KPNA3: variants seen among roughly 807,000 people sequenced by gnomAD.
The protein encoded by KPNA3 is karyopherin subunit alpha 3.
Under a neutral mutation model 73.8 loss-of-function variants are expected in KPNA3, and 13 were observed. That is an observed-to-expected ratio of 0.18 (90% CI 0.11 to 0.28). The LOEUF is 0.28. Among genes scored for constraint, KPNA3 ranks in the 10% least tolerant of loss-of-function variants. The pLI is 1.00. For synonymous variants in KPNA3, 186 were observed against 206.9 expected, an observed-to-expected ratio of 0.90 and a Z score of 0.87; for missense variants, 360 against 618.1, an observed-to-expected ratio of 0.58 and a Z score of 4.43.
intron 2 of KPNA3, among the ~76,000 whole-genome samples, chr13:49,737,526 CTGTTTTGT>C (rs1566345196): frequency 6.6e-6 from 1 of 150,764 alleles, no homozygotes; most frequent in Non-Finnish European, 1.5e-5. Context: ...TTAAATTAGA[CTGTTTTGT>C]TTTTTCTTAC....
chr13:49,785,789 A>G (rs1954977638), intron 1 of KPNA3, among the ~76,000 whole-genome samples: 3 of 152,336 alleles, frequency 2.0e-5, no homozygotes, highest in Middle Eastern at 3.4e-3. Context: ...TATGGCATAT[A>G]GATTCCTGAA....
rs998025742 is a variant in KPNA3, at chr13:49,724,580, T to C, written c.469+836A>G. Among the ~76,000 whole-genome samples the C allele has an allele frequency of 1.2e-4, 18 of 152,262 alleles. No individual in the cohort carries two copies. In the Middle Eastern group the frequency reaches 0.01, roughly 86 times the overall value. ...CCTCGGCCTCCCAAAGTGCTGGGAT[T>C]ACAGGCTTGAGCCACTGCACCCAGC... On this transcript the variant is annotated intron_variant, in intron 7 of 16. Transcript: ENST00000261667.
At chr13:49,785,570 T>C (rs1954975539) in intron 1 of KPNA3, among the ~76,000 whole-genome samples, 1 of 152,182 alleles carries the variant, frequency 6.6e-6, no homozygotes, top group South Asian at 2.1e-4. Flanking sequence ...ATTGAAATGA[T>C]GATTAAAGCC....
intron 1 of KPNA3, among the ~76,000 whole-genome samples, chr13:49,771,035 A>T (rs1434992632): frequency 1.3e-5 from 2 of 150,760 alleles, no homozygotes; most frequent in Non-Finnish European, 2.9e-5. Context: ...CCTTCAACTT[A>T]GTTCTTATTT....
At chr13:49,705,955 C>G in intron 14 of KPNA3, 143 bp downstream of exon 14, 5 of 977,916 alleles carry the variant, frequency 5.1e-6, no homozygotes, top group Non-Finnish European at 7.4e-6. Context: ...GCCTGGGCAA[C>G]ATAGTGAGAC....
intron 6 of KPNA3, among the ~76,000 whole-genome samples, chr13:49,730,943 A>G (rs1954462326): frequency 6.6e-6 from 1 of 150,614 alleles, no homozygotes; most frequent in South Asian, 2.1e-4. Flanking sequence ...CGCCCGGCTG[A>G]TTTTTTTTAA....
At position 49,762,435 on chromosome 13, in the gene KPNA3, TG is replaced by T. The variant is rs574379252; in HGVS notation, c.70-15443del. Among the ~76,000 whole-genome samples, 1,404 of 152,196 alleles carry T rather than the reference TG, an allele frequency of 9.2e-3. 18 individuals carry two copies. The highest frequency in any genetic ancestry group is 0.032 in the African/African-American group (1,316 of 41,532). On this transcript the variant is annotated intron_variant, in intron 1 of 16. Coordinates refer to ENST00000261667, the MANE Select transcript of KPNA3 (RefSeq NM_002267.4). ...TTGTGGAATAGAAAAGGGGGAAATG[TG>T]GGGAAAAGATAGAGAAATCAGATTG...
At chr13:49,737,987 G>A (rs924376061) in intron 2 of KPNA3, among the ~76,000 whole-genome samples, 2 of 151,912 alleles carry the variant, frequency 1.3e-5, no homozygotes, top group Non-Finnish European at 2.9e-5. Flanking sequence ...ATAGCTCTTT[G>A]TCTCCAGATC....
intron 7 of KPNA3, among the ~76,000 whole-genome samples, chr13:49,723,848 G>A (rs192693995): frequency 2.7e-5 from 4 of 146,130 alleles, no homozygotes; most frequent in Non-Finnish European, 6.0e-5. Context: ...CCAGCCTGGC[G>A]ACAGAGCGAG....
intron 1 of KPNA3, among the ~76,000 whole-genome samples, chr13:49,764,765 A>G (rs1473256614): frequency 2.1e-5 from 3 of 143,984 alleles, no homozygotes; most frequent in Admixed American, 6.7e-5. Context: ...AAAAAAAAAA[A>G]AAGAACCTTT....
rs763285620 is a variant in KPNA3 at position 49,700,522 on chromosome 13, G to C, written c.*1278C>G. 1 of 152,598 alleles carries C rather than the reference G, an allele frequency of 6.6e-6. No homozygotes were observed. The highest frequency in any genetic ancestry group is 1.5e-5 in the Non-Finnish European group (1 of 68,022). 9.5% of individuals were successfully genotyped at this position (152,598 alleles called of 1,614,324 possible). On this transcript the variant is annotated 3_prime_UTR_variant, in exon 17 of 17. Coordinates refer to ENST00000261667, the MANE Select transcript of KPNA3 (RefSeq NM_002267.4). ...ACCGGATTTTGCAGAATTACTTAGA[G>C]ATCACTGCAAATCAGGTTTATGTTA...
intron 2 of KPNA3, 71 bp from the exon 3 acceptor site, chr13:49,733,117 T>G: frequency 1.1e-6 from 1 of 899,004 alleles, no homozygotes; most frequent in Non-Finnish European, 1.8e-6. Flanking sequence ...TTAAAACTAC[T>G]TCAACTTTAT....
intron 1 of KPNA3, among the ~76,000 whole-genome samples, chr13:49,757,591 A>T (rs1435814991): frequency 1.3e-5 from 2 of 152,140 alleles, no homozygotes; most frequent in African/African-American, 4.8e-5. Context: ...GGAATGTAAA[A>T]TGACAGCACC....
intron 6 of KPNA3, among the ~76,000 whole-genome samples, chr13:49,726,295 A>C (rs935994654): frequency 1.3e-5 from 2 of 152,238 alleles, no homozygotes; most frequent in East Asian, 3.8e-4. Context: ...TGAAAAAACA[A>C]GATCATTATA....
At chr13:49,761,362 C>T (rs560198877) in intron 1 of KPNA3, among the ~76,000 whole-genome samples, 3 of 152,334 alleles carry the variant, frequency 2.0e-5, no homozygotes, top group Admixed American at 2.0e-4. Context: ...CCTCAGCCTG[C>T]CGAGTGCCTG....
chr13:49,710,749 A>C lies in KPNA3; in HGVS notation c.903+142T>G. The C allele has an allele frequency of 5.4e-6, 4 of 739,834 alleles. No individual in the cohort carries two copies. The East Asian group carries it at 1.1e-4, about 20-fold the overall frequency. The allele number at this position is 739,834 out of a possible 1,614,324, so 45.8% of individuals were successfully genotyped here. A position where few individuals can be genotyped will look rare whatever the true frequency, so the allele number is the denominator to read the frequency against. On this transcript the variant is annotated intron_variant, in intron 11 of 16. Transcript: ENST00000261667. ...AACTGGGTGAGATAAAGATTTGGAA[A>C]TCAACAAAATCAGGCTCAGGGACTA...
intron 1 of KPNA3, among the ~76,000 whole-genome samples, chr13:49,792,042 T>C (rs1043527731): frequency 2.6e-5 from 4 of 151,964 alleles, no homozygotes; most frequent in Non-Finnish European, 2.9e-5. Flanking sequence ...GGACGGAAGG[T>C]TGCACCGGTG....
intron 1 of KPNA3, among the ~76,000 whole-genome samples, chr13:49,749,704 C>G (rs1954646521): frequency 6.6e-6 from 1 of 152,162 alleles, no homozygotes; most frequent in Admixed American, 6.5e-5. Context: ...CAGCATAATT[C>G]TAAGATTTGT....
chr13:49,730,519 C>CAAAAAAAAAAAAAAAAAA lies in KPNA3; in HGVS notation c.383+1834_383+1851dup, dbSNP rs55725741. On this transcript the variant is annotated intron_variant, in intron 6 of 16. Transcript: ENST00000261667. ...TGGGCAACAGAGCGAGACTCTGTCT[C>CAAAAAAAAAAAAAAAAAA]AAAAAAAAAAAAAAAAAAAAAAAAA... Among the ~76,000 whole-genome samples the CAAAAAAAAAAAAAAAAAA allele has an allele frequency of 7.0e-4, 19 of 27,296 alleles. 2 individuals carry two copies. The highest frequency in any genetic ancestry group is 1.7e-3 in the East Asian group (1 of 590). 17.9% of individuals were successfully genotyped at this position (27,296 alleles called of 152,430 possible).
Sources: gnomAD v4.1 joint callset for allele counts (sites outside exome capture counted in the v4.1 genomes callset) on GRCh38, gnomAD v4.1.1 for gene constraint, MANE v1.5 for transcripts, NCBI Gene and HGNC (gene_info 2026-07-23, HGNC 2026-07-21) for gene names.